Variants in WNT11 observed in about 807,000 individuals in gnomAD.
WNT11 encodes protein Wnt-11.
A neutral mutation model predicts 35.6 loss-of-function variants in WNT11; 20 were observed. The ratio of observed to expected loss-of-function variants is 0.56; its 90% CI spans 0.40 to 0.82. WNT11 has a LOEUF of 0.82. WNT11 is among the 40% of genes least tolerant of loss of function. The probability of loss-of-function intolerance (pLI) is 0.00; values close to 1 mark genes in which losing one functional copy is unlikely to be tolerated. For missense variants in WNT11, 459 were observed against 504.4 expected (o/e 0.91, Z 0.86); for synonymous variants, 200 against 211.9 (o/e 0.94, Z 0.49).
At position 76,191,963 on chromosome 11, in the gene WNT11, GC is replaced by G. The variant is rs1026981764; in HGVS notation, c.598-108del. 6 of 1,330,116 alleles carry G rather than the reference GC, an allele frequency of 4.5e-6. No individual in the cohort carries two copies. The Admixed American group carries it at 1.3e-4, about 29-fold the overall frequency. 82.4% of individuals were successfully genotyped at this position (1,330,116 alleles called of 1,614,324 possible). ...GGCTGGGTGCTCTCAGGGAGTCACT[GC>G]CTGCTGGAGTCTGAAGTGATAGAGC... is the stretch of plus-strand genomic sequence containing the variant. On this transcript the variant is annotated intron_variant, in intron 3 of 4. Transcript: ENST00000322563.
chr11:76,196,523 G>T lies in WNT11; in HGVS notation c.279C>A (p.Ser93=). ...AFADMRWNCS[S]IELAPNYLLD... ...GCAAATAGTTGGGGGCGAGCTCAAT[G>T]GAGGAGCAGTTCCAGCGCATGTCGG... is the stretch of plus-strand genomic sequence containing the variant. The change falls in exon 2 of 5, where the codon TCC becomes TCA. Residue 93 remains serine, a synonymous_variant. Transcript: ENST00000322563. 1.2e-6 allele frequency: 2 copies of T among 1,613,564 alleles called. No homozygotes were observed. Among genetic ancestry groups the T allele is most frequent in the Non-Finnish European group, 8.5e-7 (1 of 1,180,048 alleles).
upstream of WNT11, among the ~76,000 whole-genome samples, chr11:76,209,323 G>A (rs1421552143): frequency 9.2e-6 from 1 of 108,862 alleles, no homozygotes; most frequent in Non-Finnish European, 2.4e-5. Flanking sequence ...GCAGCCCAGC[G>A]CCGCCAACAG....
At chr11:76,192,853 C>G (rs1256611185) in intron 3 of WNT11, among the ~76,000 whole-genome samples, 1 of 152,220 alleles carries the variant, frequency 6.6e-6, no homozygotes, top group Non-Finnish European at 1.5e-5. Context: ...TCTGCCCAGG[C>G]CTACCCTCCT....
chr11:76,206,533 G>A (rs1452280914), upstream of WNT11: 1 of 1,226,636 alleles, frequency 8.2e-7, no homozygotes. Context: ...GCGGGTTAAG[G>A]CGGCGCGCGG....
upstream of WNT11, chr11:76,210,491 G>A: frequency 1.0e-6 from 1 of 985,270 alleles, no homozygotes; most frequent in Non-Finnish European, 1.2e-6. Flanking sequence ...CGCTCGCCAG[G>A]CGCGCCCTGC....
At chr11:76,208,166 G>T (rs555816314), upstream of WNT11, among the ~76,000 whole-genome samples, 9 of 152,358 alleles carry the variant, frequency 5.9e-5, no homozygotes, top group South Asian at 1.9e-3. Context: ...AGCCTGCGGG[G>T]CTCAGCGCCC....
chr11:76,189,014 C>T (rs557695533), intron 4 of WNT11, among the ~76,000 whole-genome samples: 4 of 152,164 alleles, frequency 2.6e-5, no homozygotes, highest in Non-Finnish European at 5.9e-5. Context: ...CAGCCGGTGA[C>T]CAGCAAGTGG....
chr11:76,197,475 C>T (rs991110965), intron 1 of WNT11, among the ~76,000 whole-genome samples: 12 of 152,204 alleles, frequency 7.9e-5, no homozygotes, highest in African/African-American at 2.9e-4. Context: ...GACACTCTGA[C>T]AAAAGGGATC....
chr11:76,204,404 C>T (rs1953436636), intron 1 of WNT11, among the ~76,000 whole-genome samples: 1 of 152,216 alleles, frequency 6.6e-6, no homozygotes, highest in Non-Finnish European at 1.5e-5. Flanking sequence ...CCAGGTCTCC[C>T]CGCATGCGCT....
upstream of WNT11, chr11:76,206,624 T>C (rs1338755665): frequency 7.0e-6 from 7 of 995,064 alleles, no homozygotes; most frequent in African/African-American, 5.1e-5. Context: ...CCCCTCCCGC[T>C]CCGCCCGGCC....
At chr11:76,203,934 A>T (rs1014517657) in intron 1 of WNT11, among the ~76,000 whole-genome samples, 1 of 152,192 alleles carries the variant, frequency 6.6e-6, no homozygotes, top group Admixed American at 6.5e-5. Context: ...TCCTGCCTCT[A>T]CTACCTCTGA....
chr11:76,199,135 AAAAAT>A (rs968088056), intron 1 of WNT11, among the ~76,000 whole-genome samples: 3 of 152,146 alleles, frequency 2.0e-5, no homozygotes, highest in African/African-American at 4.8e-5. Context: ...TCTGTCTCAA[AAAAAT>A]AAAATAAAAT....
intron 4 of WNT11, among the ~76,000 whole-genome samples, chr11:76,190,115 G>T: frequency 6.6e-6 from 1 of 152,058 alleles, no homozygotes; most frequent in Non-Finnish European, 1.5e-5. Context: ...TGCGCTTGGA[G>T]ATCACTCGAC....
chr11:76,201,830 G>T (rs1039398595), intron 1 of WNT11, among the ~76,000 whole-genome samples: 2 of 152,162 alleles, frequency 1.3e-5, no homozygotes, highest in Admixed American at 1.3e-4. Context: ...GCTGCCAAAT[G>T]ACTTCACTGA....
At position 76,193,493 on chromosome 11, in the gene WNT11, A is replaced by G. The variant is rs187816864; in HGVS notation, c.597+1074T>C. On this transcript the variant is annotated intron_variant, in intron 3 of 4. Coordinates refer to ENST00000322563, the MANE Select transcript of WNT11 (RefSeq NM_004626.3). ...CCCACTGGGTTTCATGAGCAGGGGT[A>G]GGGGACAGGTCAGCAGGGCCAGGAG... 2.2e-3 allele frequency among the ~76,000 whole-genome samples: 333 copies of G among 152,322 alleles called. 1 individual carries two copies. The highest frequency in any genetic ancestry group is 7.7e-3 in the African/African-American group (322 of 41,576).
chr11:76,210,391 T>C (rs1953549581), upstream of WNT11: 1 of 977,910 alleles, frequency 1.0e-6, no homozygotes, highest in African/African-American at 1.8e-5. Context: ...GCGAGAAGCG[T>C]CGTCCCCCTC....
chr11:76,191,442 CTGAG>C, intron 4 of WNT11, 118 bp downstream of exon 4: 1 of 1,185,416 alleles, frequency 8.4e-7, no homozygotes, highest in African/African-American at 1.5e-5. Flanking sequence ...ACTCTCTCAA[CTGAG>C]CAGGGTCTCC....
Position 76,206,401 on chromosome 11 carries a change from C to G in WNT11, c.7G>C (p.Ala3Pro). The change falls in exon 1 of 5, where the codon GCG (alanine) becomes CCG (proline). Residue 3 changes from alanine to proline, a missense_variant. Ala to Pro is a conservative substitution (Grantham distance 27). Transcript: ENST00000322563. MR[A>P]RPQVCEALLF... is the part of the protein sequence containing the mutation. ...AGCGCCTCGCAGACCTGCGGCCGCG[C>G]CCTCATCGTCGCGCGGCGGGCGCGC... 1 of 1,520,078 alleles carries G rather than the reference C, an allele frequency of 6.6e-7. No homozygotes were observed. The highest frequency in any genetic ancestry group is 8.8e-7 in the Non-Finnish European group (1 of 1,139,466). 94.2% of individuals were successfully genotyped at this position (1,520,078 alleles called of 1,614,324 possible).
chr11:76,186,742 T>C lies in WNT11; in HGVS notation c.*323A>G. ...ACCCCTTCCCGGAGGCTGGTCTCTG[T>C]GGCCCTGAAAGGTCAAGTCTGTATC... is the stretch of plus-strand genomic sequence containing the variant. On this transcript the variant is annotated 3_prime_UTR_variant, in exon 5 of 5. Coordinates refer to ENST00000322563, the MANE Select transcript of WNT11 (RefSeq NM_004626.3). 2.2e-6 allele frequency: 1 copy of C among 444,778 alleles called. No homozygotes were observed. Among genetic ancestry groups the C allele is most frequent in the South Asian group, 1.8e-5 (1 of 55,816 alleles). The allele number at this position is 444,778 out of a possible 1,614,324, so 27.6% of individuals were successfully genotyped here.
Sources: gnomAD v4.1 joint callset for allele counts (sites outside exome capture counted in the v4.1 genomes callset) on GRCh38, gnomAD v4.1.1 for gene constraint, MANE v1.5 for transcripts, NCBI Gene and HGNC (gene_info 2026-07-23, HGNC 2026-07-21) for gene names.